The following FAT3 variants were observed in gnomAD, a reference collection of about 807,000 sequenced individuals.
The protein encoded by FAT3 is protocadherin Fat 3.
Under a neutral mutation model 310.2 loss-of-function variants are expected in FAT3, and 95 were observed. The observed-to-expected ratio is 0.31, with a 90% CI of 0.26 to 0.36. The LOEUF is 0.36. FAT3 is among the 10% of genes least tolerant of loss of function. The pLI is 1.00. For synonymous variants in FAT3, 2,314 were observed against 2,192.9 expected, an observed-to-expected ratio of 1.06 and a Z score of -1.54; for missense variants, 5,408 against 5,715.6, an observed-to-expected ratio of 0.95 and a Z score of 1.74.
At chr11:92,849,607 G>C (rs1182341548) in intron 19 of FAT3, among the ~76,000 whole-genome samples, 1 of 152,166 alleles carries the variant, frequency 6.6e-6, no homozygotes, top group Non-Finnish European at 1.5e-5. Context: ...GCTGTAAAAA[G>C]TTATAGATGG....
intron 3 of FAT3, among the ~76,000 whole-genome samples, chr11:92,685,696 A>G (rs554727566): frequency 5.0e-4 from 76 of 152,046 alleles, no homozygotes; most frequent in African/African-American, 1.7e-3. Flanking sequence ...CACAAAAGAT[A>G]CAATGAGTAG....
At position 92,355,397 on chromosome 11, in the gene FAT3, C is replaced by T. The variant is rs1282916974; in HGVS notation, c.3285C>T (p.Asp1095=). Residue 1095 remains aspartate (D), a synonymous_variant, in exon 2 of 28, where the codon GAC becomes GAT. Transcript: ENST00000525166. ...GSGLGRFSID[D]ESGVITAADI... is the part of the protein sequence containing the mutation. Reference sequence around the variant, plus strand: ...GTCTTGGAAGGTTCAGTATAGACGACGAGAGTGGTAAGTGTAATATTTTGT... The same window carrying T: ...GTCTTGGAAGGTTCAGTATAGACGATGAGAGTGGTAAGTGTAATATTTTGT... 62 of 1,606,946 alleles carry T rather than the reference C, an allele frequency of 3.9e-5. No individual in the cohort carries two copies. The highest frequency in any genetic ancestry group is 1.7e-4 in the Middle Eastern group (1 of 6,046).
chr11:92,672,954 G>A (rs1000281666), intron 3 of FAT3, among the ~76,000 whole-genome samples: 7 of 152,178 alleles, frequency 4.6e-5, no homozygotes, highest in Non-Finnish European at 7.3e-5. Flanking sequence ...TCAGGTAGAG[G>A]TTGGTTGACC....
At chr11:92,857,105 C>G in intron 19 of FAT3, 109 bp from the exon 20 acceptor site, 2 of 1,519,120 alleles carry the variant, frequency 1.3e-6, no homozygotes. Context: ...GCCCACATAT[C>G]CCAGCTCTTG....
chr11:92,789,883 C>T, intron 7 of FAT3, 60 bp from the exon 8 acceptor site: 1 of 1,566,826 alleles, frequency 6.4e-7, no homozygotes, highest in Non-Finnish European at 8.7e-7. Flanking sequence ...GGAGGGCATA[C>T]TTTTATTAGC....
At chr11:92,297,989 A>G (rs1047734438) in intron 1 of FAT3, among the ~76,000 whole-genome samples, 1 of 152,144 alleles carries the variant, frequency 6.6e-6, no homozygotes, top group African/African-American at 2.4e-5. Context: ...GTCTGGTGGT[A>G]AGCTCTTTTT....
chr11:92,545,827 C>T (rs1410320331), intron 3 of FAT3, among the ~76,000 whole-genome samples: 2 of 152,182 alleles, frequency 1.3e-5, no homozygotes, highest in Admixed American at 1.3e-4. Context: ...GTGTTTTATG[C>T]TATACAGCAA....
chr11:92,534,608 A>G (rs1244518880), intron 3 of FAT3, among the ~76,000 whole-genome samples: 2 of 152,178 alleles, frequency 1.3e-5, no homozygotes, highest in Non-Finnish European at 2.9e-5. Context: ...GATGTTACCA[A>G]GTTAAAATAA....
intron 4 of FAT3, among the ~76,000 whole-genome samples, chr11:92,698,735 A>C (rs1203676909): frequency 6.6e-6 from 1 of 152,208 alleles, no homozygotes; most frequent in Non-Finnish European, 1.5e-5. Context: ...AACAGGATGC[A>C]GTACCTACCT....
chr11:92,537,708 C>A (rs527398719), intron 3 of FAT3, among the ~76,000 whole-genome samples: 1 of 152,222 alleles, frequency 6.6e-6, no homozygotes, highest in South Asian at 2.1e-4. Context: ...AGCTATGCTC[C>A]TTGCATTTAA....
chr11:92,262,222 A>G (rs1240161538), intron 1 of FAT3, among the ~76,000 whole-genome samples: 4 of 152,142 alleles, frequency 2.6e-5, no homozygotes, highest in Non-Finnish European at 5.9e-5. Context: ...GACCTCCTCA[A>G]CTGCCCTTGA....
intron 1 of FAT3, among the ~76,000 whole-genome samples, chr11:92,286,931 C>A (rs1168186691): frequency 6.6e-6 from 1 of 152,144 alleles, no homozygotes; most frequent in Non-Finnish European, 1.5e-5. Flanking sequence ...TAAGAAGCTG[C>A]CCTTTGAGCT....
intron 3 of FAT3, among the ~76,000 whole-genome samples, chr11:92,577,973 A>G (rs968729678): frequency 1.3e-5 from 2 of 152,110 alleles, no homozygotes; most frequent in Non-Finnish European, 2.9e-5. Context: ...CTGAACTAGA[A>G]AATACATACA....
chr11:92,544,321 T>A (rs576613302), intron 3 of FAT3, among the ~76,000 whole-genome samples: 16 of 152,262 alleles, frequency 1.1e-4, no homozygotes, highest in African/African-American at 3.8e-4. Flanking sequence ...TAACTATAGT[T>A]AACAGTAATC....
chr11:92,650,416 C>A lies in FAT3; in HGVS notation c.3608-46968C>A, dbSNP rs769599553. 1.4e-4 allele frequency among the ~76,000 whole-genome samples: 21 copies of A among 152,116 alleles called. 1 individual carries two copies. Among genetic ancestry groups the A allele is most frequent in the Non-Finnish European group, 2.4e-4 (16 of 68,026 alleles). ...GTTTGCACTCATTAATACGCACTGT[C>A]CTTCTTATTTCAACATTCAGCTATT... On this transcript the variant is annotated intron_variant, in intron 3 of 27. Coordinates refer to ENST00000525166, the MANE Select transcript of FAT3 (RefSeq NM_001367949.2).
chr11:92,507,750 A>G (rs1257549406), intron 2 of FAT3, among the ~76,000 whole-genome samples: 1 of 151,674 alleles, frequency 6.6e-6, no homozygotes, highest in Non-Finnish European at 1.5e-5. Flanking sequence ...ATACATACAC[A>G]CCCTATATAT....
intron 3 of FAT3, among the ~76,000 whole-genome samples, chr11:92,639,987 C>G (rs1040240460): frequency 1.3e-5 from 2 of 152,184 alleles, no homozygotes; most frequent in African/African-American, 4.8e-5. Context: ...CCATATCGTT[C>G]CTCCTCAGAA....
chr11:92,593,613 A>T (rs1939551594), intron 3 of FAT3, among the ~76,000 whole-genome samples: 1 of 152,106 alleles, frequency 6.6e-6, no homozygotes, highest in Admixed American at 6.6e-5. Context: ...CTAATAATCA[A>T]GTGCCCCCTA....
At chr11:92,712,407 G>GA (rs757598661) in intron 4 of FAT3, among the ~76,000 whole-genome samples, 4 of 152,096 alleles carry the variant, frequency 2.6e-5, no homozygotes, top group East Asian at 3.9e-4. Flanking sequence ...GGGAGGGCAT[G>GA]AAAAATAATA....
Sources: gnomAD v4.1 joint callset for allele counts (sites outside exome capture counted in the v4.1 genomes callset) on GRCh38, gnomAD v4.1.1 for gene constraint, MANE v1.5 for transcripts, NCBI Gene and HGNC (gene_info 2026-07-23, HGNC 2026-07-21) for gene names.